The following NKAIN3 variants were observed in gnomAD, a reference collection of about 807,000 sequenced individuals.
NKAIN3 encodes sodium/potassium-transporting ATPase subunit beta-1-interacting protein 3.
Under a neutral mutation model 30.2 loss-of-function variants are expected in NKAIN3, and 25 were observed. That is an observed-to-expected ratio of 0.83 (90% CI 0.60 to 1.16). NKAIN3 has a LOEUF of 1.16. Among genes scored for constraint, NKAIN3 ranks in the 50% most tolerant of loss-of-function variants. The pLI, the probability that NKAIN3 is intolerant of heterozygous loss-of-function variation, is 0.00. For missense variants in NKAIN3, 225 were observed against 254.1 expected, an observed-to-expected ratio of 0.89 and a Z score of 0.78; for synonymous variants, 91 against 89.6, an observed-to-expected ratio of 1.02 and a Z score of -0.09.
At chr8:62,904,049 T>C (rs1196635879) in intron 4 of NKAIN3, among the ~76,000 whole-genome samples, 1 of 152,200 alleles carries the variant, frequency 6.6e-6, no homozygotes, top group Non-Finnish European at 1.5e-5. Flanking sequence ...GGGTGAACCC[T>C]TGGACAAAGC....
chr8:62,686,617 A>G (rs1456551719), intron 3 of NKAIN3, among the ~76,000 whole-genome samples: 1 of 152,206 alleles, frequency 6.6e-6, no homozygotes, highest in African/African-American at 2.4e-5. Flanking sequence ...TTAATGGAAA[A>G]TAGATGAAGA....
chr8:62,436,452 A>G (rs777872148), intron 1 of NKAIN3, among the ~76,000 whole-genome samples: 14 of 152,180 alleles, frequency 9.2e-5, no homozygotes, highest in Non-Finnish European at 1.9e-4. Flanking sequence ...TTTGAATGAG[A>G]CAGAGTAAAG....
At chr8:62,745,065 A>G (rs71525501) in intron 3 of NKAIN3, among the ~76,000 whole-genome samples, 3,327 of 152,270 alleles carry the variant, frequency 0.022, 100 homozygotes, top group African/African-American at 0.077. Flanking sequence ...GCAGTGTAAA[A>G]AGAGGGTTTC....
chr8:62,910,574 A>C (rs1372488316), intron 4 of NKAIN3, among the ~76,000 whole-genome samples: 2 of 152,154 alleles, frequency 1.3e-5, no homozygotes, highest in African/African-American at 4.8e-5. Flanking sequence ...TATATTATAC[A>C]GATTTCTTAG....
chr8:62,927,496 C>T (rs771633616), intron 5 of NKAIN3, among the ~76,000 whole-genome samples: 11 of 151,890 alleles, frequency 7.2e-5, no homozygotes, highest in East Asian at 1.9e-4. Flanking sequence ...ATGTTTCTAC[C>T]GTAAAGAAAA....
intron 1 of NKAIN3, among the ~76,000 whole-genome samples, chr8:62,346,239 A>G (rs1256300115): frequency 6.6e-6 from 1 of 152,156 alleles, no homozygotes; most frequent in African/African-American, 2.4e-5. Context: ...TGCCACAAAG[A>G]AATGATAAAT....
chr8:62,855,980 C>T (rs1265773820), intron 4 of NKAIN3: 4 of 692,776 alleles, frequency 5.8e-6, no homozygotes, highest in Non-Finnish European at 1.1e-5. Context: ...GGGTTGAGCT[C>T]CCAATCACCA....
At chr8:62,340,784 T>C (rs1815715270) in intron 1 of NKAIN3, among the ~76,000 whole-genome samples, 1 of 151,978 alleles carries the variant, frequency 6.6e-6, no homozygotes, top group Non-Finnish European at 1.5e-5. Context: ...GCATTCTTGC[T>C]GAAACTTGGC....
At chr8:62,992,578 C>G (rs951928710) in intron 5 of NKAIN3, among the ~76,000 whole-genome samples, 1 of 151,898 alleles carries the variant, frequency 6.6e-6, no homozygotes, top group Admixed American at 6.6e-5. Context: ...TTAGTGTTCC[C>G]TCACCCTCAC....
At chr8:62,754,623 A>G (rs866504941) in intron 4 of NKAIN3, among the ~76,000 whole-genome samples, 7 of 152,170 alleles carry the variant, frequency 4.6e-5, no homozygotes, top group South Asian at 4.1e-4. Context: ...TCCTATGAGA[A>G]TTGTTTTTTC....
chr8:62,404,127 A>G (rs1803981297), intron 1 of NKAIN3, among the ~76,000 whole-genome samples: 1 of 152,210 alleles, frequency 6.6e-6, no homozygotes, highest in South Asian at 2.1e-4. Flanking sequence ...TCACATTTAG[A>G]ATAGGTGTAT....
intron 1 of NKAIN3, among the ~76,000 whole-genome samples, chr8:62,297,728 A>G (rs1156545985): frequency 6.6e-6 from 1 of 152,016 alleles, no homozygotes; most frequent in Non-Finnish European, 1.5e-5. Context: ...GTTGGTGGGA[A>G]TGTAAACTAG....
At chr8:62,759,125 A>G (rs1307412328) in intron 4 of NKAIN3, among the ~76,000 whole-genome samples, 1 of 152,140 alleles carries the variant, frequency 6.6e-6, no homozygotes, top group Non-Finnish European at 1.5e-5. Flanking sequence ...TAAAACAATA[A>G]CCACATCAAA....
chr8:62,685,390 A>G (rs373900504), intron 3 of NKAIN3, among the ~76,000 whole-genome samples: 30 of 152,262 alleles, frequency 2.0e-4, no homozygotes, highest in Middle Eastern at 3.4e-3. Context: ...CCTTTTATTC[A>G]GTTTTACTAT....
rs1808312219 is a variant in NKAIN3, at chr8:62,526,656, G to A, written c.55-52883G>A. 2.0e-5 allele frequency among the ~76,000 whole-genome samples: 3 copies of A among 151,978 alleles called. No individual in the cohort carries two copies. The South Asian group carries it at 6.2e-4, about 32-fold the overall frequency. On this transcript the variant is annotated intron_variant, in intron 1 of 6. Transcript: ENST00000623646. ...CTAGATGGAGAAAAATAATGCCATG[G>A]TTCTGTGTAAATACAGAATTACAGA...
At chr8:62,791,507 A>G (rs1289964349) in intron 4 of NKAIN3, among the ~76,000 whole-genome samples, 1 of 152,130 alleles carries the variant, frequency 6.6e-6, no homozygotes, top group South Asian at 2.1e-4. Flanking sequence ...AATCCTCAAT[A>G]TTATTAAATA....
chr8:62,404,761 G>A (rs757124204), intron 1 of NKAIN3, among the ~76,000 whole-genome samples: 18 of 152,116 alleles, frequency 1.2e-4, no homozygotes, highest in Non-Finnish European at 2.2e-4. Context: ...CTGTGCCTGA[G>A]CTCTTACCTA....
At chr8:62,823,620 C>A (rs1818923002) in intron 4 of NKAIN3, among the ~76,000 whole-genome samples, 1 of 152,172 alleles carries the variant, frequency 6.6e-6, no homozygotes, top group African/African-American at 2.4e-5. Flanking sequence ...CCTTCGTAAC[C>A]TGGCACAAAT....
chr8:62,862,532 G>A (rs1820282838), intron 4 of NKAIN3, among the ~76,000 whole-genome samples: 2 of 151,848 alleles, frequency 1.3e-5, no homozygotes, highest in Admixed American at 1.3e-4. Flanking sequence ...GACAAAAAAA[G>A]GAAATATTTA....
Sources: gnomAD v4.1 joint callset for allele counts (sites outside exome capture counted in the v4.1 genomes callset) on GRCh38, gnomAD v4.1.1 for gene constraint, MANE v1.5 for transcripts, NCBI Gene and HGNC (gene_info 2026-07-23, HGNC 2026-07-21) for gene names.